SPHKAP: variants seen among roughly 807,000 people sequenced by gnomAD.
The protein encoded by SPHKAP is SPHK1 interactor, AKAP domain containing, also known as A-kinase anchor protein SPHKAP.
SPHKAP carries 67 observed loss-of-function variants against 137.5 expected under a neutral mutation model. The ratio of observed to expected loss-of-function variants is 0.49; its 90% CI spans 0.40 to 0.60. The LOEUF is 0.60. Among genes scored for constraint, SPHKAP ranks in the 20% least tolerant of loss-of-function variants. SPHKAP has a pLI of 0.00. For missense variants in SPHKAP, 2,097 were observed against 2,069.3 expected, an observed-to-expected ratio of 1.01 and a Z score of -0.26; for synonymous variants, 813 against 785.3, an observed-to-expected ratio of 1.04 and a Z score of -0.59.
chr2:228,037,954 A>G (rs1695689510), intron 3 of SPHKAP, among the ~76,000 whole-genome samples: 1 of 152,206 alleles, frequency 6.6e-6, no homozygotes, highest in South Asian at 2.1e-4. Flanking sequence ...AGATTTAAGC[A>G]ACCACTAATG....
intron 7 of SPHKAP, among the ~76,000 whole-genome samples, chr2:228,009,028 A>T (rs995108398): frequency 6.6e-6 from 1 of 152,158 alleles, no homozygotes; most frequent in African/African-American, 2.4e-5. Flanking sequence ...TGGGATTTTG[A>T]TTGGGATTGT....
chr2:228,071,634 T>G (rs1697008656), intron 3 of SPHKAP, among the ~76,000 whole-genome samples: 1 of 146,578 alleles, frequency 6.8e-6, no homozygotes, highest in Non-Finnish European at 1.5e-5. Flanking sequence ...GCAAGGCTTG[T>G]TTTTTTTGTC....
At chr2:228,051,605 A>C (rs1180570014) in intron 3 of SPHKAP, among the ~76,000 whole-genome samples, 2 of 152,176 alleles carry the variant, frequency 1.3e-5, no homozygotes, top group African/African-American at 4.8e-5. Flanking sequence ...ACCCCACTGT[A>C]AAACAACCTG....
chr2:228,128,674 G>A (rs945826937), intron 2 of SPHKAP, among the ~76,000 whole-genome samples: 5 of 152,098 alleles, frequency 3.3e-5, no homozygotes, highest in African/African-American at 1.2e-4. Flanking sequence ...ATTAACACTT[G>A]AAAATCAAAA....
At chr2:227,999,130 T>A in intron 7 of SPHKAP, among the ~76,000 whole-genome samples, 1 of 152,242 alleles carries the variant, frequency 6.6e-6, no homozygotes, top group Non-Finnish European at 1.5e-5. Flanking sequence ...CTTTTTGATG[T>A]GTGAACTTGT....
intron 1 of SPHKAP, among the ~76,000 whole-genome samples, chr2:228,143,774 G>A (rs1390161776): frequency 2.7e-5 from 4 of 149,352 alleles, no homozygotes; most frequent in South Asian, 2.2e-4. Flanking sequence ...CCAAAGTGCC[G>A]GGATTACAAG....
intron 3 of SPHKAP, among the ~76,000 whole-genome samples, chr2:228,063,174 A>G (rs7563047): frequency 0.018 from 2,686 of 147,220 alleles, 61 homozygotes; most frequent in African/African-American, 0.056. Context: ...CTATCTATCT[A>G]TCTGTCTGTC....
chr2:228,113,605 C>A (rs1249355129), intron 2 of SPHKAP, among the ~76,000 whole-genome samples: 6 of 31,310 alleles, frequency 1.9e-4, no homozygotes, highest in Admixed American at 2.7e-4. Flanking sequence ...ATTTAGCCAT[C>A]TCTCTCTCTC....
intron 1 of SPHKAP, among the ~76,000 whole-genome samples, chr2:228,136,356 C>T (rs570443622): frequency 6.6e-6 from 1 of 152,196 alleles, no homozygotes; most frequent in African/African-American, 2.4e-5. Context: ...GGCACAAAAC[C>T]AAATTTGAAG....
chr2:228,030,231 A>G (rs1290852615), intron 3 of SPHKAP, among the ~76,000 whole-genome samples: 5 of 152,052 alleles, frequency 3.3e-5, no homozygotes, highest in African/African-American at 1.2e-4. Flanking sequence ...GAAATGGAAT[A>G]ACGGCCGCGT....
chr2:228,076,396 T>C (rs1697185449), intron 3 of SPHKAP, among the ~76,000 whole-genome samples: 1 of 152,092 alleles, frequency 6.6e-6, no homozygotes, highest in Admixed American at 6.6e-5. Context: ...GACAGGAAAA[T>C]GTGGGAAAGT....
intron 1 of SPHKAP, among the ~76,000 whole-genome samples, chr2:228,164,031 T>G (rs993112585): frequency 6.6e-6 from 1 of 152,098 alleles, no homozygotes; most frequent in African/African-American, 2.4e-5. Flanking sequence ...CCACTCCCAG[T>G]GTGGGTGGGC....
At chr2:228,050,539 T>A (rs1184060792) in intron 3 of SPHKAP, among the ~76,000 whole-genome samples, 1 of 152,240 alleles carries the variant, frequency 6.6e-6, no homozygotes, top group African/African-American at 2.4e-5. Flanking sequence ...GATGTACCTG[T>A]GTTTAGGGTA....
chr2:228,174,992 G>A (rs1700696794), intron 1 of SPHKAP, among the ~76,000 whole-genome samples: 2 of 144,870 alleles, frequency 1.4e-5, no homozygotes, highest in African/African-American at 2.5e-5. Context: ...TTAAAGATAG[G>A]TCAATACAAA....
At position 228,140,656 on chromosome 2, in the gene SPHKAP, C is replaced by T. The variant is rs907807028; in HGVS notation, c.33-8571G>A. Among the ~76,000 whole-genome samples the T allele has an allele frequency of 2.0e-5, 3 of 151,984 alleles. No homozygotes were observed. In the South Asian group the frequency reaches 6.2e-4, roughly 32 times the overall value. On this transcript the variant is annotated intron_variant, in intron 1 of 11. Coordinates refer to ENST00000392056, the MANE Select transcript of SPHKAP (RefSeq NM_001142644.2). ...CAAATCTCATGTTGAATTATAATCC[C>T]CAGTATTAGAAGTGGGGCATGGTGG...
intron 2 of SPHKAP, among the ~76,000 whole-genome samples, chr2:228,129,834 C>T (rs1574876628): frequency 6.8e-6 from 1 of 146,754 alleles, no homozygotes; most frequent in East Asian, 2.0e-4. Context: ...TCTTACTCTG[C>T]CACCCAGGCT....
intron 8 of SPHKAP, among the ~76,000 whole-genome samples, chr2:227,994,361 A>G (rs551649057): frequency 6.6e-6 from 1 of 152,310 alleles, no homozygotes; most frequent in South Asian, 2.1e-4. Flanking sequence ...AACACAGCAA[A>G]GTTGAGCCAA....
intron 3 of SPHKAP, among the ~76,000 whole-genome samples, chr2:228,075,752 A>C (rs547573908): frequency 1.4e-4 from 21 of 152,360 alleles, no homozygotes; most frequent in African/African-American, 4.8e-4. Flanking sequence ...GGACACTTTG[A>C]GTAGTTAAAT....
At chr2:228,158,945 C>G (rs186257145) in intron 1 of SPHKAP, among the ~76,000 whole-genome samples, 2 of 152,218 alleles carry the variant, frequency 1.3e-5, no homozygotes, top group Non-Finnish European at 2.9e-5. Flanking sequence ...ATATGTCTTG[C>G]ATTCCGTCCC....
Sources: allele counts gnomAD v4.1 joint callset (sites outside exome capture counted in the v4.1 genomes callset), GRCh38; gene constraint gnomAD v4.1.1; transcripts MANE v1.5; gene names NCBI Gene and HGNC (gene_info 2026-07-23, HGNC 2026-07-21).